The following ARHGEF26 variants were observed in gnomAD, a reference collection of about 807,000 sequenced individuals.
The protein encoded by ARHGEF26 is Rho guanine nucleotide exchange factor 26.
A neutral mutation model predicts 89.4 loss-of-function variants in ARHGEF26; 59 were observed. The ratio of observed to expected loss-of-function variants is 0.66; its 90% CI spans 0.54 to 0.82. ARHGEF26 has a LOEUF of 0.82. Among genes scored for constraint, ARHGEF26 ranks in the 40% least tolerant of loss-of-function variants. The pLI, the probability that ARHGEF26 is intolerant of heterozygous loss-of-function variation, is 0.00. For synonymous variants in ARHGEF26, 500 were observed against 428.4 expected, an observed-to-expected ratio of 1.17 and a Z score of -2.06; for missense variants, 1,234 against 1,085.6, an observed-to-expected ratio of 1.14 and a Z score of -1.92.
chr3:154,144,901 C>T lies in ARHGEF26; in HGVS notation c.1270-4488C>T, dbSNP rs115445845. On this transcript the variant is annotated intron_variant, in intron 4 of 14. Transcript: ENST00000465093. ...TTACCTGATGCATTTTTAAATTAAG[C>T]ATATGATTTTATGATATGTGCTATT... Among the ~76,000 whole-genome samples the T allele has an allele frequency of 4.2e-3, 636 of 152,274 alleles. 3 individuals carry two copies. The highest frequency in any genetic ancestry group is 0.014 in the African/African-American group (593 of 41,536).
intron 11 of ARHGEF26, among the ~76,000 whole-genome samples, chr3:154,228,925 A>G (rs1225519348): frequency 6.6e-6 from 1 of 152,208 alleles, no homozygotes; most frequent in Non-Finnish European, 1.5e-5. Context: ...GGAACTTAGC[A>G]GCTGGGCTTC....
chr3:154,215,728 G>A (rs1379215396), intron 9 of ARHGEF26, among the ~76,000 whole-genome samples: 1 of 152,112 alleles, frequency 6.6e-6, no homozygotes, highest in African/African-American at 2.4e-5. Flanking sequence ...TGGAGAGAGA[G>A]CAGAGAGAAG....
intron 9 of ARHGEF26, among the ~76,000 whole-genome samples, chr3:154,204,087 A>G (rs953519039): frequency 2.6e-5 from 4 of 151,912 alleles, no homozygotes; most frequent in East Asian, 3.9e-4. Flanking sequence ...AGTTCTTTAA[A>G]TGTTTAGTAG....
chr3:154,177,183 T>G (rs1712874227), intron 6 of ARHGEF26, among the ~76,000 whole-genome samples: 1 of 152,192 alleles, frequency 6.6e-6, no homozygotes, highest in Admixed American at 6.5e-5. Flanking sequence ...CCTAAAGAAG[T>G]AACGTATTTT....
intron 6 of ARHGEF26, among the ~76,000 whole-genome samples, chr3:154,166,102 C>T (rs1405790019): frequency 1.3e-5 from 2 of 152,046 alleles, no homozygotes; most frequent in Non-Finnish European, 2.9e-5. Flanking sequence ...AGTACAGTGG[C>T]GTGATCTTGG....
At chr3:154,217,581 G>A (rs1715845915) in intron 9 of ARHGEF26, among the ~76,000 whole-genome samples, 1 of 152,138 alleles carries the variant, frequency 6.6e-6, no homozygotes, top group Non-Finnish European at 1.5e-5. Context: ...CTTAGATTTT[G>A]CCTTTGAGGT....
At chr3:154,249,648 A>G (rs1015421509) in intron 12 of ARHGEF26, among the ~76,000 whole-genome samples, 1 of 152,116 alleles carries the variant, frequency 6.6e-6, no homozygotes, top group Non-Finnish European at 1.5e-5. Context: ...ACTCCAGTGT[A>G]TTTGCTGTGC....
At chr3:154,169,324 T>A (rs1250399546) in intron 6 of ARHGEF26, among the ~76,000 whole-genome samples, 1 of 152,054 alleles carries the variant, frequency 6.6e-6, no homozygotes, top group Admixed American at 6.5e-5. Flanking sequence ...TAACCCAAAA[T>A]CAATACTTGT....
At chr3:154,198,051 TA>T (rs1412583107) in intron 9 of ARHGEF26, among the ~76,000 whole-genome samples, 3 of 152,142 alleles carry the variant, frequency 2.0e-5, no homozygotes, top group Non-Finnish European at 4.4e-5. Context: ...AAGCTCTATT[TA>T]ATCTTTTCGT....
At position 154,256,268 on chromosome 3, in the gene ARHGEF26, G is replaced by C; in HGVS notation, c.*795G>C. 1 of 984,768 alleles carries C rather than the reference G, an allele frequency of 1.0e-6. No homozygotes were observed. Among genetic ancestry groups the C allele is most frequent in the East Asian group, 1.1e-4 (1 of 8,812 alleles). 61.0% of individuals were successfully genotyped at this position (984,768 alleles called of 1,614,324 possible). ...TTTTTTCCCCACCTCTGTCGCCCAG[G>C]CTAGAGTATAGTGGTGTGATCTTGG... is the stretch of plus-strand genomic sequence containing the variant. On this transcript the variant is annotated 3_prime_UTR_variant, in exon 15 of 15. Coordinates refer to ENST00000465093, the MANE Select transcript of ARHGEF26 (RefSeq NM_015595.4).
chr3:154,248,167 TTA>T (rs1249970559), intron 12 of ARHGEF26, among the ~76,000 whole-genome samples: 5 of 152,222 alleles, frequency 3.3e-5, no homozygotes, highest in African/African-American at 1.2e-4. Flanking sequence ...TCCTCACTCA[TTA>T]TATGTCAGTT....
chr3:154,246,428 A>T lies in ARHGEF26; in HGVS notation c.2300+5849A>T, dbSNP rs750922548. ...TGCTGTCTGTGGGCCATCAGTCCTC[A>T]AGTAGTTACCAGCCTGGTATGTAGG... is the stretch of plus-strand genomic sequence containing the variant. On this transcript the variant is annotated intron_variant, in intron 12 of 14. Coordinates refer to ENST00000465093, the MANE Select transcript of ARHGEF26 (RefSeq NM_015595.4). Among the ~76,000 whole-genome samples the T allele has an allele frequency of 1.1e-3, 161 of 152,282 alleles. 4 individuals are homozygous for T. The highest frequency in any genetic ancestry group is 6.8e-3 in the Middle Eastern group (2 of 294).
rs1313169931 is a variant in ARHGEF26 at position 154,122,216 on chromosome 3, G to C, written c.224G>C (p.Arg75Thr). 1 of 1,607,804 alleles carries C rather than the reference G, an allele frequency of 6.2e-7. No homozygotes were observed. The highest frequency in any genetic ancestry group is 2.3e-5 in the East Asian group (1 of 44,430). ...PAQVPTASDS[R>T]TVHRSPLLLG... ...CAGGTGCCCACCGCCTCGGACAGCA[G>C]GACGGTACATAGGAGCCCCCTGCTT... Residue 75 changes from arginine (R) to threonine (T), a missense_variant, in exon 2 of 15, where the codon AGG becomes ACG. Arg to Thr is a moderately conservative substitution (Grantham distance 71). Transcript: ENST00000465093.
In ARHGEF26 at chr3:154,237,909, G is replaced by A. The variant is rs775347930; in HGVS notation, c.2091-2461G>A. On this transcript the variant is annotated intron_variant, in intron 11 of 14. Transcript: ENST00000465093. ...TTAACTTGTAAATTGGACCAAAAGA[G>A]TAATCATAAGGGGCAGAGAGAAAAT... is the stretch of plus-strand genomic sequence containing the variant. 3.5e-4 allele frequency among the ~76,000 whole-genome samples: 53 copies of A among 152,288 alleles called. 1 individual carries two copies. Among genetic ancestry groups the A allele is most frequent in the Admixed American group, 1.8e-3 (27 of 15,296 alleles).
chr3:154,215,283 A>G (rs900439792), intron 9 of ARHGEF26, among the ~76,000 whole-genome samples: 5 of 151,976 alleles, frequency 3.3e-5, no homozygotes, highest in Non-Finnish European at 5.9e-5. Flanking sequence ...AGTAGTAACT[A>G]CTTCTCCTTC....
At chr3:154,211,371 A>G (rs1022558254) in intron 9 of ARHGEF26, among the ~76,000 whole-genome samples, 1 of 152,036 alleles carries the variant, frequency 6.6e-6, no homozygotes, top group Non-Finnish European at 1.5e-5. Context: ...TGCTCCCTCC[A>G]TGGATGGGTA....
At chr3:154,239,907 C>G (rs1279092130) in intron 11 of ARHGEF26, among the ~76,000 whole-genome samples, 1 of 151,850 alleles carries the variant, frequency 6.6e-6, no homozygotes, top group Non-Finnish European at 1.5e-5. Context: ...TTGCCAGAAG[C>G]AAGCAGACCT....
rs1231280431 is a variant in ARHGEF26 at position 154,154,550 on chromosome 3, C to T, written c.1487+1618C>T. Among the ~76,000 whole-genome samples, 11 of 141,912 alleles carry T rather than the reference C, an allele frequency of 7.8e-5. No homozygotes were observed. The Admixed American group carries it at 8.0e-4, about 10-fold the overall frequency. The allele number at this position is 141,912 out of a possible 152,430, so 93.1% of individuals were successfully genotyped here. ...AGAAAGTCTAGTTTCTATTCTTGTCCCCTCTATCCTATTCTCTTCCCATAT... is the reference window on the plus strand; with the variant it reads ...AGAAAGTCTAGTTTCTATTCTTGTCTCCTCTATCCTATTCTCTTCCCATAT... On this transcript the variant is annotated intron_variant, in intron 6 of 14. Transcript: ENST00000465093.
chr3:154,123,319 A>G (rs1010073362), intron 2 of ARHGEF26, among the ~76,000 whole-genome samples: 1 of 152,134 alleles, frequency 6.6e-6, no homozygotes, highest in African/African-American at 2.4e-5. Context: ...GCTCAGGCAG[A>G]ATTGGGGGGG....
Sources: allele counts gnomAD v4.1 joint callset (sites outside exome capture counted in the v4.1 genomes callset), GRCh38; gene constraint gnomAD v4.1.1; transcripts MANE v1.5; gene names NCBI Gene and HGNC (gene_info 2026-07-23, HGNC 2026-07-21).